The following NRG1 variants were observed in gnomAD, a reference collection of about 807,000 sequenced individuals.
NRG1 encodes the protein neuregulin 1, also known as pro-neuregulin-1, membrane-bound isoform.
Under a neutral mutation model 63.8 loss-of-function variants are expected in NRG1, and 18 were observed. The ratio of observed to expected loss-of-function variants is 0.28; its 90% CI spans 0.19 to 0.42. NRG1 has a LOEUF of 0.42. Ranked by LOEUF, NRG1 falls within the 10% of genes least tolerant of loss-of-function variation. The probability of loss-of-function intolerance (pLI) is 1.00; values close to 1 mark genes in which losing one functional copy is unlikely to be tolerated. For missense variants in NRG1, 762 were observed against 814.7 expected, an observed-to-expected ratio of 0.94 and a Z score of 0.79; for synonymous variants, 302 against 301.3, an observed-to-expected ratio of 1.00 and a Z score of -0.02.
At chr8:32,396,468 G>A (rs1291497743) in intron 1 of NRG1, among the ~76,000 whole-genome samples, 1 of 152,092 alleles carries the variant, frequency 6.6e-6, no homozygotes, top group Non-Finnish European at 1.5e-5. Flanking sequence ...TTTATTTAGA[G>A]ATGGAGTTTT....
intron 1 of NRG1, among the ~76,000 whole-genome samples, chr8:31,750,658 A>G (rs79184924): frequency 0.019 from 2,833 of 152,008 alleles, 99 homozygotes; most frequent in African/African-American, 0.065. Context: ...ATGAGTTGCT[A>G]TATAAATCAC....
chr8:31,723,458 C>T (rs1280147782), intron 1 of NRG1, among the ~76,000 whole-genome samples: 1 of 151,868 alleles, frequency 6.6e-6, no homozygotes, highest in Non-Finnish European at 1.5e-5. Context: ...TTCTCTTTTC[C>T]TTCTTTTCGA....
intron 1 of NRG1, among the ~76,000 whole-genome samples, chr8:31,852,758 C>A (rs533887626): frequency 1.3e-5 from 2 of 152,328 alleles, no homozygotes; most frequent in African/African-American, 2.4e-5. Context: ...ACATTTAAGT[C>A]TTTAATCCAT....
intron 5 of NRG1, among the ~76,000 whole-genome samples, chr8:32,675,948 T>G (rs975142757): frequency 6.6e-6 from 1 of 152,224 alleles, no homozygotes; most frequent in Non-Finnish European, 1.5e-5. Context: ...TCAATTCAAA[T>G]GACCACAAAT....
At chr8:32,395,030 G>A (rs1215642286) in intron 1 of NRG1, among the ~76,000 whole-genome samples, 2 of 152,148 alleles carry the variant, frequency 1.3e-5, no homozygotes. Flanking sequence ...AAAAGAGAAC[G>A]CAAGGAATGC....
At chr8:32,716,863 A>G (rs1253154671) in intron 5 of NRG1, among the ~76,000 whole-genome samples, 1 of 151,714 alleles carries the variant, frequency 6.6e-6, no homozygotes, top group Non-Finnish European at 1.5e-5. Context: ...AAGCCAGATG[A>G]TGATAGCAGG....
At position 32,548,401 on chromosome 8, in the gene NRG1, C is replaced by T. The variant is rs1833374333; in HGVS notation, c.-326C>T. On this transcript the variant is annotated 5_prime_UTR_variant, in exon 1 of 12. Transcript: ENST00000356819. ...GGGAGCGTGAGCAGGACGGTGATAACCTCTCCCCGATCGGGTTGCGAGGGC... is the reference window on the plus strand; with the variant it reads ...GGGAGCGTGAGCAGGACGGTGATAATCTCTCCCCGATCGGGTTGCGAGGGC... 6.5e-6 allele frequency: 7 copies of T among 1,081,360 alleles called. No homozygotes were observed. The South Asian group carries it at 3.1e-4, about 47-fold the overall frequency. 67.0% of individuals were successfully genotyped at this position (1,081,360 alleles called of 1,614,324 possible). A position where few individuals can be genotyped will look rare whatever the true frequency, so the allele number is the denominator to read the frequency against.
At chr8:32,722,199 G>A (rs558760259) in intron 5 of NRG1, among the ~76,000 whole-genome samples, 1 of 152,258 alleles carries the variant, frequency 6.6e-6, no homozygotes, top group South Asian at 2.1e-4. Context: ...TGTGGGTGAG[G>A]ACTAATTCAT....
intron 1 of NRG1, among the ~76,000 whole-genome samples, chr8:31,854,784 T>C (rs1302915688): frequency 6.6e-6 from 1 of 152,168 alleles, no homozygotes; most frequent in African/African-American, 2.4e-5. Flanking sequence ...CTGCTTTGAA[T>C]GCATCCCAGA....
intron 1 of NRG1, among the ~76,000 whole-genome samples, chr8:31,822,891 T>C (rs556559300): frequency 2.0e-5 from 3 of 152,294 alleles, no homozygotes; most frequent in South Asian, 2.1e-4. Context: ...AATATTTTCA[T>C]TGGTACCCAA....
intron 5 of NRG1, among the ~76,000 whole-genome samples, chr8:32,627,525 G>A (rs1165409144): frequency 6.6e-6 from 1 of 152,114 alleles, no homozygotes; most frequent in Non-Finnish European, 1.5e-5. Flanking sequence ...GCCCAGACAG[G>A]TTTCAAACTT....
intron 1 of NRG1, among the ~76,000 whole-genome samples, chr8:32,065,965 T>C (rs1366757926): frequency 6.6e-6 from 1 of 152,264 alleles, no homozygotes; most frequent in Non-Finnish European, 1.5e-5. Context: ...CATGTTTCTT[T>C]TGGCCGCATA....
chr8:31,849,434 A>T (rs1586794906), intron 1 of NRG1, among the ~76,000 whole-genome samples: 1 of 152,246 alleles, frequency 6.6e-6, no homozygotes, highest in Non-Finnish European at 1.5e-5. Context: ...CTCATTTCAG[A>T]CAACATATAT....
intron 1 of NRG1, among the ~76,000 whole-genome samples, chr8:32,215,883 A>T (rs2132430475): frequency 6.6e-6 from 1 of 152,126 alleles, no homozygotes; most frequent in East Asian, 1.9e-4. Flanking sequence ...TTCTACTAAA[A>T]ATACAAAAAC....
chr8:32,012,182 T>C (rs1197447828), intron 1 of NRG1, among the ~76,000 whole-genome samples: 2 of 152,112 alleles, frequency 1.3e-5, no homozygotes, highest in African/African-American at 4.8e-5. Flanking sequence ...GTTCTATAAA[T>C]TTTGGAGCTA....
At chr8:32,176,082 A>G (rs1840697215) in intron 1 of NRG1, among the ~76,000 whole-genome samples, 1 of 152,234 alleles carries the variant, frequency 6.6e-6, no homozygotes, top group Non-Finnish European at 1.5e-5. Flanking sequence ...ACTTCAAACT[A>G]CAAGGCTACA....
chr8:32,413,991 G>A lies in NRG1; in HGVS notation c.38-181837G>A, dbSNP rs185265509. 3.4e-3 allele frequency among the ~76,000 whole-genome samples: 516 copies of A among 150,898 alleles called. 3 individuals are homozygous for A. The highest frequency in any genetic ancestry group is 0.012 in the African/African-American group (493 of 41,010). ...TAAATGATGCCTAGGATATCACATC[G>A]TTCAGAAGAGGTTGAAAGAGGGAGT... On this transcript the variant is annotated intron_variant, in intron 1 of 10. Coordinates refer to the NRG1 transcript ENST00000519301.
At chr8:32,233,806 A>G (rs1423271087) in intron 1 of NRG1, among the ~76,000 whole-genome samples, 1 of 151,070 alleles carries the variant, frequency 6.6e-6, no homozygotes, top group African/African-American at 2.4e-5. Context: ...CTCGTGATCC[A>G]CCCCCCCATC....
At chr8:31,738,087 G>A (rs1814872983) in intron 1 of NRG1, among the ~76,000 whole-genome samples, 1 of 152,108 alleles carries the variant, frequency 6.6e-6, no homozygotes, top group Non-Finnish European at 1.5e-5. Context: ...ATGGCAGTGA[G>A]CAGATTGGAT....
Sources: allele counts gnomAD v4.1 joint callset (sites outside exome capture counted in the v4.1 genomes callset), GRCh38; gene constraint gnomAD v4.1.1; transcripts MANE v1.5; gene names NCBI Gene and HGNC (gene_info 2026-07-23, HGNC 2026-07-21).